THSD4: variants seen among roughly 807,000 people sequenced by gnomAD.
THSD4 encodes thrombospondin type 1 domain containing 4.
THSD4 carries 69 observed loss-of-function variants against 119.0 expected under a neutral mutation model. The observed-to-expected ratio is 0.58, with a 90% CI of 0.48 to 0.71. THSD4 has a LOEUF of 0.71. Ranked by LOEUF, THSD4 falls within the 30% of genes least tolerant of loss-of-function variation. THSD4 has a pLI of 0.00. For missense variants in THSD4, 1,393 were observed against 1,391.1 expected (o/e 1.00, Z -0.02); for synonymous variants, 524 against 540.4 (o/e 0.97, Z 0.42).
intron 14 of THSD4, among the ~76,000 whole-genome samples, chr15:71,756,288 G>A (rs2053537442): frequency 6.6e-6 from 1 of 152,192 alleles, no homozygotes; most frequent in African/African-American, 2.4e-5. Context: ...GAGAAATGTG[G>A]CAGAACTAGA....
intron 8 of THSD4, among the ~76,000 whole-genome samples, chr15:71,698,470 C>T (rs1195362525): frequency 6.6e-6 from 1 of 151,522 alleles, no homozygotes; most frequent in Non-Finnish European, 1.5e-5. Context: ...TCCAGCAATC[C>T]CTGGGTTGCT....
intron 2 of THSD4, among the ~76,000 whole-genome samples, chr15:71,145,869 G>A (rs1268876496): frequency 6.6e-6 from 1 of 151,778 alleles, no homozygotes; most frequent in African/African-American, 2.4e-5. Context: ...AGAAGGAGGA[G>A]GAGCAGGAGG....
At chr15:71,442,660 G>GTATGTATGTATATATA (rs1555414328) in intron 7 of THSD4, among the ~76,000 whole-genome samples, 5 of 25,824 alleles carry the variant, frequency 1.9e-4, no homozygotes, top group East Asian at 8.2e-4. Context: ...GTGTGTGTGT[G>GTATGTATGTATATATA]TATATATATA....
chr15:71,321,397 A>G (rs1319407666), intron 6 of THSD4, among the ~76,000 whole-genome samples: 2 of 152,120 alleles, frequency 1.3e-5, no homozygotes, highest in African/African-American at 4.8e-5. Flanking sequence ...TTAGCTGAGC[A>G]TGGTGGCAGG....
rs560940555 is a variant in THSD4 at position 71,141,557 on chromosome 15, G to A, written c.29+1G>A. The A allele has an allele frequency of 1.2e-6, 2 of 1,608,590 alleles. No homozygotes were observed. The highest frequency in any genetic ancestry group is 8.5e-7 in the Non-Finnish European group (1 of 1,177,874). ...TTTCCCATTTCATGGGGTCTCTCAG[G>A]TAAGTGAAGAAACTTTTTTTAAAAA... On this transcript the variant is annotated splice_donor_variant, in intron 2 of 17. Coordinates refer to ENST00000261862, the MANE Select transcript of THSD4 (RefSeq NM_024817.3). LOFTEE classifies it high-confidence loss of function.
Position 71,764,918 on chromosome 15 carries a change from T to C in THSD4, c.2590-102T>C. 2.9e-6 allele frequency: 4 copies of C among 1,387,854 alleles called. 1 individual carries two copies. The highest frequency in any genetic ancestry group is 1.4e-5 in the South Asian group (1 of 69,664). The allele number at this position is 1,387,854 out of a possible 1,614,324, so 86.0% of individuals were successfully genotyped here. On this transcript the variant is annotated intron_variant, in intron 15 of 17. Coordinates refer to ENST00000261862, the MANE Select transcript of THSD4 (RefSeq NM_024817.3). Reference sequence around the variant, plus strand: ...CCTGGGTTCTTCCTCCTAGAATTGGTGGTAGAATTGACGGTGCCCGTCATA... The same window carrying C: ...CCTGGGTTCTTCCTCCTAGAATTGGCGGTAGAATTGACGGTGCCCGTCATA...
At chr15:71,277,937 G>A (rs1473197452) in intron 6 of THSD4, among the ~76,000 whole-genome samples, 1 of 152,140 alleles carries the variant, frequency 6.6e-6, no homozygotes, top group Non-Finnish European at 1.5e-5. Flanking sequence ...GATTCCTCCT[G>A]TACAGCAGCA....
At chr15:71,517,185 G>C (rs1197026881) in intron 7 of THSD4, among the ~76,000 whole-genome samples, 1 of 152,148 alleles carries the variant, frequency 6.6e-6, no homozygotes, top group Admixed American at 6.6e-5. Context: ...ATTGACCACT[G>C]TCCAAGTAAG....
intron 7 of THSD4, among the ~76,000 whole-genome samples, chr15:71,622,720 T>C (rs903106310): frequency 1.3e-5 from 2 of 152,200 alleles, no homozygotes; most frequent in Non-Finnish European, 2.9e-5. Flanking sequence ...GAAGTCCTGA[T>C]GAAGAGTTTA....
chr15:71,679,859 G>C (rs2051737957), intron 8 of THSD4, among the ~76,000 whole-genome samples: 2 of 152,216 alleles, frequency 1.3e-5, no homozygotes, highest in South Asian at 4.1e-4. Flanking sequence ...AGAGTCTGAG[G>C]CAGGGGAAGT....
At chr15:71,264,890 G>C (rs578245491) in intron 6 of THSD4, among the ~76,000 whole-genome samples, 2 of 152,220 alleles carry the variant, frequency 1.3e-5, no homozygotes, top group Non-Finnish European at 2.9e-5. Flanking sequence ...CACAATGAAT[G>C]CTATGGACTA....
At chr15:71,433,444 C>CT (rs373155375) in intron 7 of THSD4, among the ~76,000 whole-genome samples, 3 of 148,804 alleles carry the variant, frequency 2.0e-5, no homozygotes, top group Non-Finnish European at 4.5e-5. Flanking sequence ...TTTAAGTTAA[C>CT]TTTTTTTCTT....
At chr15:71,579,443 G>A (rs2049517986) in intron 7 of THSD4, among the ~76,000 whole-genome samples, 1 of 152,190 alleles carries the variant, frequency 6.6e-6, no homozygotes, top group African/African-American at 2.4e-5. Flanking sequence ...ATCCCTTTGA[G>A]TAAACAAGTC....
At chr15:71,257,770 A>G (rs2044337140) in intron 6 of THSD4, among the ~76,000 whole-genome samples, 1 of 152,168 alleles carries the variant, frequency 6.6e-6, no homozygotes, top group African/African-American at 2.4e-5. Context: ...CAGTGTTCTC[A>G]GAGACTCCAT....
At chr15:71,301,280 CCTT>C (rs2140337774) in intron 6 of THSD4, among the ~76,000 whole-genome samples, 1 of 152,284 alleles carries the variant, frequency 6.6e-6, no homozygotes, top group African/African-American at 2.4e-5. Flanking sequence ...CTTAATCTGT[CCTT>C]CTGCATTTAA....
chr15:71,292,709 C>T (rs1246447374), intron 6 of THSD4, among the ~76,000 whole-genome samples: 1 of 139,878 alleles, frequency 7.1e-6, no homozygotes, highest in Non-Finnish European at 1.5e-5. Context: ...CGGAGTCTTG[C>T]TCTGTCGCCC....
rs872471 is a variant in THSD4 at position 71,705,726 on chromosome 15, A to G, written c.1358-22823A>G. 0.26 allele frequency among the ~76,000 whole-genome samples: 40,165 copies of G among 152,050 alleles called. 5,900 individuals are homozygous for G. The highest frequency in any genetic ancestry group is 0.38 in the African/African-American group (15,898 of 41,456). On this transcript the variant is annotated intron_variant, in intron 8 of 17. Coordinates refer to ENST00000261862, the MANE Select transcript of THSD4 (RefSeq NM_024817.3). Reference sequence around the variant, plus strand: ...GATTTTGCAGTCATTCAGTCATTCAATGACTACATCATGGTCACCTACTAC... The same window carrying G: ...GATTTTGCAGTCATTCAGTCATTCAGTGACTACATCATGGTCACCTACTAC...
At chr15:71,187,127 G>A (rs1416010566) in intron 3 of THSD4, 3 of 152,666 alleles carry the variant, frequency 2.0e-5, no homozygotes, top group African/African-American at 7.2e-5. Flanking sequence ...TGTGCCCATT[G>A]TCCAATGACT....
chr15:71,355,749 C>T (rs754171710), intron 6 of THSD4, among the ~76,000 whole-genome samples: 3 of 152,166 alleles, frequency 2.0e-5, no homozygotes, highest in African/African-American at 4.8e-5. Context: ...GTGCTGCTGG[C>T]TTGACTGCGT....
Sources: allele counts gnomAD v4.1 joint callset (sites outside exome capture counted in the v4.1 genomes callset), GRCh38; gene constraint gnomAD v4.1.1; transcripts MANE v1.5; gene names NCBI Gene and HGNC (gene_info 2026-07-23, HGNC 2026-07-21).